Variants in CIC observed in about 807,000 individuals in gnomAD.
The protein encoded by CIC is protein capicua homolog.
CIC carries 18 observed loss-of-function variants against 115.7 expected under a neutral mutation model. That is an observed-to-expected ratio of 0.16 (90% CI 0.11 to 0.23). The LOEUF is 0.23. CIC is among the 10% of genes least tolerant of loss of function. The pLI, the probability that CIC is intolerant of heterozygous loss-of-function variation, is 1.00. For missense variants in CIC, 2,000 were observed against 2,159.3 expected (o/e 0.93, Z 1.46); for synonymous variants, 1,076 against 923.0 (o/e 1.17, Z -3.01).
Position 42,295,274 on chromosome 19 carries a change from C to T in CIC, c.*83C>T, listed in dbSNP as rs1255289511. Reference sequence around the variant, plus strand: ...TGGGGGCAGGAAGGTTATCTCCTCCCGGGTAAAGCCATTTCGTCCTCTCCA... The same window carrying T: ...TGGGGGCAGGAAGGTTATCTCCTCCTGGGTAAAGCCATTTCGTCCTCTCCA... On this transcript the variant is annotated 3_prime_UTR_variant, in exon 21 of 21. Coordinates refer to ENST00000681038, the MANE Select transcript of CIC (RefSeq NM_001386298.1). The T allele has an allele frequency of 8.3e-5, 104 of 1,247,452 alleles. No individual in the cohort carries two copies. The South Asian group carries it at 8.8e-4, about 11-fold the overall frequency. 77.3% of individuals were successfully genotyped at this position (1,247,452 alleles called of 1,614,324 possible). A position where few individuals can be genotyped will look rare whatever the true frequency, so the allele number is the denominator to read the frequency against.
Position 42,272,660 on chromosome 19 carries a change from C to T in CIC, c.877C>T (p.Pro293Ser), listed in dbSNP as rs1249156226. 6 of 398,706 alleles carry T rather than the reference C, an allele frequency of 1.5e-5. No individual in the cohort carries two copies. Among genetic ancestry groups the T allele is most frequent in the Non-Finnish European group, 2.7e-5 (6 of 226,262 alleles). 24.7% of individuals were successfully genotyped at this position (398,706 alleles called of 1,614,324 possible). A position where few individuals can be genotyped will look rare whatever the true frequency, so the allele number is the denominator to read the frequency against. ...TGTGGTGGTGGAGGTGGCCACCAAG[C>T]CAGCTGCCTACAAGGTCCGTCTCAG... is the stretch of plus-strand genomic sequence containing the variant. ...EGVVVEVATK[P>S]AAYKVRLSPG... Residue 293 changes from proline (P) to serine (S), a missense_variant, in exon 2 of 21, where the codon CCA (proline) becomes TCA (serine). This residue lies in a region of CIC where 222 missense variants were observed against 247.7 expected (regional missense o/e 0.90). Transcript: ENST00000681038.
At chr19:42,278,555 C>T (rs1337146472) in intron 2 of CIC, among the ~76,000 whole-genome samples, 1 of 152,152 alleles carries the variant, frequency 6.6e-6, no homozygotes, top group Non-Finnish European at 1.5e-5. Flanking sequence ...GCTTTCAGCC[C>T]ACCCTCTTTC....
At chr19:42,285,840 T>C (rs2037600574) in intron 2 of CIC, among the ~76,000 whole-genome samples, 1 of 152,210 alleles carries the variant, frequency 6.6e-6, no homozygotes, top group Admixed American at 6.5e-5. Flanking sequence ...ACCCACCTCT[T>C]GGGGCTGAAG....
At chr19:42,285,551 C>G (rs2037574689) in intron 2 of CIC, among the ~76,000 whole-genome samples, 2 of 152,226 alleles carry the variant, frequency 1.3e-5, no homozygotes, top group African/African-American at 4.8e-5. Flanking sequence ...AGGCCAGTGC[C>G]TCGCACAGAG....
intron 7 of CIC, among the ~76,000 whole-genome samples, chr19:42,288,609 G>GT (rs2037838344): frequency 6.6e-6 from 1 of 152,138 alleles, no homozygotes; most frequent in African/African-American, 2.4e-5. Context: ...TCAGGCCAGC[G>GT]GTTGGCTAGC....
chr19:42,292,053 C>T (rs2147291598), intron 12 of CIC, 33 bp from the exon 13 acceptor site: 1 of 1,612,718 alleles, frequency 6.2e-7, no homozygotes, highest in South Asian at 1.1e-5. Flanking sequence ...GGGGCCACAG[C>T]TCACCCTGGC....
chr19:42,290,980 A>T lies in CIC; in HGVS notation c.4939A>T (p.Thr1647Ser), dbSNP rs776032451. The change falls in exon 11 of 21, where the codon ACC becomes TCC. Residue 1647 changes from threonine to serine, a missense_variant. Thr to Ser is a moderately conservative substitution (Grantham distance 58). Transcript: ENST00000681038. ...TTCGGACAAGAAGTCGGCAGCAGCC[A>T]CCTCACCAGCCCCACACTTGGTGGC... is the stretch of plus-strand genomic sequence containing the variant. ...VYSDKKSAAA[T>S]SPAPHLVAGP... 2 of 1,613,694 alleles carry T rather than the reference A, an allele frequency of 1.2e-6. No homozygotes were observed. The highest frequency in any genetic ancestry group is 1.7e-6 in the Non-Finnish European group (2 of 1,179,978).
rs114128753 is a variant in CIC at position 42,269,640 on chromosome 19, C to G, written c.-11+259C>G. On this transcript the variant is annotated intron_variant, in intron 1 of 20. Transcript: ENST00000681038. ...CAGGGTGACAGGGAGAGGGAGGGGA[C>G]AGAGTTGGAGAGTGTGACAAGGAGA... 1.9e-3 allele frequency among the ~76,000 whole-genome samples: 283 copies of G among 149,558 alleles called. 3 individuals are homozygous for G. Among genetic ancestry groups the G allele is most frequent in the African/African-American group, 6.7e-3 (272 of 40,448 alleles).
Position 42,289,400 on chromosome 19 carries a change from G to A in CIC, c.4081G>A (p.Val1361Ile). The A allele has an allele frequency of 6.3e-7, 1 of 1,579,898 alleles. No individual in the cohort carries two copies. The highest frequency in any genetic ancestry group is 8.6e-7 in the Non-Finnish European group (1 of 1,162,662). The change falls in exon 9 of 21, where the codon GTC becomes ATC. Residue 1361 changes from valine to isoleucine, a missense_variant. Physicochemically the swap from Val to Ile is conservative, Grantham distance 29 (BLOSUM62 3). Transcript: ENST00000681038. ...CTGTGAGGAGGAAGGGGATGATGAT[G>A]TCATTGGTGAGCATTGCAGGGCCCA... ...VICEEEGDDD[V>I]IADDGFGTTD...
chr19:42,278,760 G>A (rs2037091544), intron 2 of CIC, among the ~76,000 whole-genome samples: 1 of 152,180 alleles, frequency 6.6e-6, no homozygotes. Context: ...TCCTTCTTGG[G>A]GAGTGTTGGG....
At chr19:42,275,864 C>T (rs1317686841) in intron 2 of CIC, among the ~76,000 whole-genome samples, 2 of 152,060 alleles carry the variant, frequency 1.3e-5, no homozygotes, top group Admixed American at 1.3e-4. Context: ...GGGCCTGGCC[C>T]TGTGCTGTGC....
intron 2 of CIC, chr19:42,284,825 G>A: frequency 1.4e-6 from 2 of 1,430,810 alleles, no homozygotes; most frequent in Non-Finnish European, 1.9e-6. Context: ...GGGGTGCTAA[G>A]TGCGGAGTAA....
intron 16 of CIC, 92 bp downstream of exon 16, chr19:42,293,373 G>A (rs567195642): frequency 5.5e-4 from 767 of 1,406,630 alleles, no homozygotes; most frequent in South Asian, 1.5e-3. Flanking sequence ...TTCTTTCCAT[G>A]CCTGTGTGTC....
At chr19:42,275,838 A>G (rs775304841) in intron 2 of CIC, among the ~76,000 whole-genome samples, 3 of 152,002 alleles carry the variant, frequency 2.0e-5, no homozygotes, top group African/African-American at 4.8e-5. Flanking sequence ...TTATTTATTA[A>G]TCTACTGTTG....
chr19:42,289,510 T>G, intron 9 of CIC, 104 bp downstream of exon 9: 1 of 1,312,530 alleles, frequency 7.6e-7, no homozygotes, highest in Non-Finnish European at 1.1e-6. Flanking sequence ...TGTTTTCTTT[T>G]CCACTTGGTT....
At position 42,295,143 on chromosome 19, in the gene CIC, G is replaced by GGCCCC; in HGVS notation, c.7506_7507insGCCCC (p.Pro2503AlafsTer28). The GGCCCC allele has an allele frequency of 2.2e-6, 3 of 1,382,730 alleles. No individual in the cohort carries two copies. Among genetic ancestry groups the GGCCCC allele is most frequent in the Non-Finnish European group, 2.9e-6 (3 of 1,037,820 alleles). 85.7% of individuals were successfully genotyped at this position (1,382,730 alleles called of 1,614,324 possible). A position where few individuals can be genotyped will look rare whatever the true frequency, so the allele number is the denominator to read the frequency against. ...AGCCTGGCTGGGAGGGGGCTCCCCAGCCCTCCCCCCCACCCCCAGGTCCCT... is the reference window on the plus strand; with the variant it reads ...AGCCTGGCTGGGAGGGGGCTCCCCAGGCCCCCCCTCCCCCCCACCCCCAGGTCCCT... On this transcript the variant is annotated frameshift_variant, in exon 21 of 21. Coordinates refer to ENST00000681038, the MANE Select transcript of CIC (RefSeq NM_001386298.1). LOFTEE classifies it high-confidence loss of function.
In CIC at chr19:42,295,000, GC is replaced by G; in HGVS notation, c.7367del (p.Pro2456LeufsTer73). 1 of 1,594,488 alleles carries G rather than the reference GC, an allele frequency of 6.3e-7. No individual in the cohort carries two copies. The stretch of plus-strand genomic sequence containing the variant: ...ACCGCCCCCCACTGGCACCGCTGCT[GC>G]CCCTGCCCCCACTCCCAGCCCCGCA... ...PVPPPTGTAA[A>X]PAPTPSPAGG... On this transcript the variant is annotated frameshift_variant, in exon 21 of 21. Transcript: ENST00000681038. LOFTEE classifies it high-confidence loss of function.
rs777393076 is a variant in CIC at position 42,290,719 on chromosome 19, C to T, written c.4678C>T (p.Pro1560Ser). 6.2e-7 allele frequency: 1 copy of T among 1,612,578 alleles called. No individual in the cohort carries two copies. Among genetic ancestry groups the T allele is most frequent in the South Asian group, 1.1e-5 (1 of 91,072 alleles). ...EGGGARVPSA[P>S]APSLAYGAPA... Reference sequence around the variant, plus strand: ...CGGCGGAGCCAGAGTGCCCTCCGCCCCCGCCCCATCACTGGCCTATGGGGC... The same window carrying T: ...CGGCGGAGCCAGAGTGCCCTCCGCCTCCGCCCCATCACTGGCCTATGGGGC... Residue 1560 changes from proline to serine, a missense_variant, in exon 11 of 21, where the codon CCC (proline) becomes TCC (serine). By Grantham distance (74) the Pro-to-Ser change is moderately conservative. Transcript: ENST00000681038.
chr19:42,293,630 C>T lies in CIC; in HGVS notation c.6561C>T (p.Val2187=), dbSNP rs1490392406. 21 of 1,613,482 alleles carry T rather than the reference C, an allele frequency of 1.3e-5. No homozygotes were observed. The highest frequency in any genetic ancestry group is 1.6e-5 in the Non-Finnish European group (19 of 1,179,970). ...CCAGCTCATCTTCAGACTGGCGCGT[C>T]CCTGGGCAGGGCCTGGAGAATCGTG... ...KFPSSSSDWR[V]PGQGLENRGE... The change falls in exon 17 of 21, where the codon GTC becomes GTT. Residue 2187 remains valine, a synonymous_variant. Coordinates refer to ENST00000681038, the MANE Select transcript of CIC (RefSeq NM_001386298.1).
Sources: gnomAD v4.1 joint callset for allele counts (sites outside exome capture counted in the v4.1 genomes callset) on GRCh38, gnomAD v4.1.1 for gene constraint, gnomAD v4.1.1 regional missense constraint, MANE v1.5 for transcripts, NCBI Gene and HGNC (gene_info 2026-07-23, HGNC 2026-07-21) for gene names.